The following ACAA2 variants were observed in gnomAD, a reference collection of about 807,000 sequenced individuals.
The protein encoded by ACAA2 is acetyl-CoA acyltransferase 2.
A neutral mutation model predicts 44.8 loss-of-function variants in ACAA2; 35 were observed. The observed-to-expected ratio is 0.78, with a 90% CI of 0.60 to 1.04. ACAA2 has a LOEUF of 1.04. Among genes scored for constraint, ACAA2 ranks in the 50% least tolerant of loss-of-function variants. The probability of loss-of-function intolerance (pLI) is 0.00; values close to 1 mark genes in which losing one functional copy is unlikely to be tolerated. For missense variants in ACAA2, 468 were observed against 482.6 expected (o/e 0.97, Z 0.28); for synonymous variants, 142 against 166.5 (o/e 0.85, Z 1.13).
At chr18:49,808,888 C>G (rs1306379287) in intron 1 of ACAA2, among the ~76,000 whole-genome samples, 13 of 152,190 alleles carry the variant, frequency 8.5e-5, no homozygotes, top group Admixed American at 8.5e-4. Context: ...GAGAACTGGT[C>G]TGACCTCAAA....
chr18:49,786,440 TTAAACAGCCTCTTTGAGG>T (rs1405088315), intron 8 of ACAA2: 1 of 152,094 alleles, frequency 6.6e-6, no homozygotes, highest in Admixed American at 6.5e-5. Flanking sequence ...ATATAATAAA[TTAAACAGCCTCTTTGAGG>T]CTCTGAACTG....
At chr18:49,787,818 T>A (rs1314130792) in intron 7 of ACAA2, among the ~76,000 whole-genome samples, 1 of 152,180 alleles carries the variant, frequency 6.6e-6, no homozygotes, top group Non-Finnish European at 1.5e-5. Context: ...TAGATTATAA[T>A]TGATATCAAA....
intron 2 of ACAA2, among the ~76,000 whole-genome samples, chr18:49,802,187 G>C (rs1406624016): frequency 1.3e-5 from 2 of 152,168 alleles, no homozygotes; most frequent in East Asian, 3.8e-4. Context: ...CAGACATACA[G>C]TTTCTAGAAC....
At chr18:49,786,367 T>A (rs1598789821) in intron 8 of ACAA2, 1 of 152,332 alleles carries the variant, frequency 6.6e-6, no homozygotes, top group East Asian at 1.9e-4. Flanking sequence ...GTTGATATAG[T>A]TTAATAGTTT....
chr18:49,809,816 C>A (rs1277976478), intron 1 of ACAA2, among the ~76,000 whole-genome samples: 1 of 152,122 alleles, frequency 6.6e-6, no homozygotes, highest in African/African-American at 2.4e-5. Context: ...GCACATTTGT[C>A]AAAACCCATA....
chr18:49,785,524 G>T, intron 8 of ACAA2, 173 bp from the exon 9 acceptor site: 1 of 640,126 alleles, frequency 1.6e-6, no homozygotes, highest in South Asian at 2.1e-5. Flanking sequence ...TTTAAAATGT[G>T]TATATTTACT....
At chr18:49,792,432 C>CTACTT (rs1378953863) in intron 5 of ACAA2, 105 bp from the exon 6 acceptor site, 1 of 1,051,444 alleles carries the variant, frequency 9.5e-7, no homozygotes, top group Admixed American at 2.6e-5. Context: ...TCCTCACAGT[C>CTACTT]TACTTTAATA....
chr18:49,806,653 G>A (rs1322796590), intron 1 of ACAA2, among the ~76,000 whole-genome samples: 1 of 152,152 alleles, frequency 6.6e-6, no homozygotes, highest in Non-Finnish European at 1.5e-5. Flanking sequence ...AATCAACAGA[G>A]ACCAATCCCA....
At chr18:49,795,639 C>G (rs2023456249) in intron 4 of ACAA2, 126 bp downstream of exon 4, 2 of 541,148 alleles carry the variant, frequency 3.7e-6, no homozygotes, top group Non-Finnish European at 6.6e-6. Context: ...TCATTCATAT[C>G]TTGCCAATCC....
At chr18:49,800,230 G>C (rs1157117375) in intron 2 of ACAA2, among the ~76,000 whole-genome samples, 2 of 145,190 alleles carry the variant, frequency 1.4e-5, no homozygotes, top group East Asian at 4.3e-4. Context: ...GGGGGGGTCA[G>C]CCCCCCGCCC....
intron 1 of ACAA2, among the ~76,000 whole-genome samples, chr18:49,805,057 G>C (rs1223977185): frequency 6.6e-6 from 1 of 152,158 alleles, no homozygotes; most frequent in Non-Finnish European, 1.5e-5. Flanking sequence ...ACTTACTATG[G>C]AATAGACTTC....
chr18:49,813,118 G>A (rs1198966969), intron 1 of ACAA2: 3 of 213,260 alleles, frequency 1.4e-5, no homozygotes, highest in East Asian at 9.3e-5. Flanking sequence ...GCAGGCGCCC[G>A]CGGCCTATGG....
chr18:49,785,126 T>G, intron 9 of ACAA2, 71 bp downstream of exon 9: 5 of 1,549,936 alleles, frequency 3.2e-6, no homozygotes, highest in Non-Finnish European at 4.4e-6. Flanking sequence ...TGGAGTGTTC[T>G]GGGGAAGCCT....
chr18:49,800,837 T>G (rs1364211425), intron 2 of ACAA2, among the ~76,000 whole-genome samples: 1 of 44,424 alleles, frequency 2.3e-5, no homozygotes, highest in Non-Finnish European at 4.3e-5. Flanking sequence ...TTCCCTCCAC[T>G]ATTGTCCTGT....
At chr18:49,808,982 C>T (rs1165535418) in intron 1 of ACAA2, among the ~76,000 whole-genome samples, 1 of 152,146 alleles carries the variant, frequency 6.6e-6, no homozygotes, top group Non-Finnish European at 1.5e-5. Flanking sequence ...CTTATCTCAA[C>T]CGCATAAGAC....
chr18:49,783,980 T>G (rs1281272859), intron 9 of ACAA2, 49 bp from the exon 10 acceptor site: 3 of 1,469,910 alleles, frequency 2.0e-6, no homozygotes, highest in Non-Finnish European at 1.9e-6. Flanking sequence ...AAAATCAGAT[T>G]AATGAAATAG....
intron 5 of ACAA2, among the ~76,000 whole-genome samples, chr18:49,792,928 T>C (rs2023422704): frequency 6.6e-6 from 1 of 152,216 alleles, no homozygotes. Context: ...TGTAGATGCA[T>C]TTTGCATCTT....
intron 2 of ACAA2, among the ~76,000 whole-genome samples, chr18:49,801,663 T>C (rs949126581): frequency 1.3e-5 from 2 of 151,542 alleles, no homozygotes; most frequent in African/African-American, 4.8e-5. Context: ...TAGTGACTTC[T>C]GTGTCCATTG....
intron 1 of ACAA2, among the ~76,000 whole-genome samples, chr18:49,805,079 T>C (rs2023597244): frequency 6.6e-6 from 1 of 152,230 alleles, no homozygotes; most frequent in East Asian, 1.9e-4. Context: ...TGCTAGCACT[T>C]TGCATATACT....
Sources: allele counts gnomAD v4.1 joint callset (sites outside exome capture counted in the v4.1 genomes callset), GRCh38; gene constraint gnomAD v4.1.1; transcripts MANE v1.5; gene names NCBI Gene and HGNC (gene_info 2026-07-23, HGNC 2026-07-21).